LRBA: variants seen among roughly 807,000 people sequenced by gnomAD.
The protein encoded by LRBA is lipopolysaccharide-responsive and beige-like anchor protein.
A neutral mutation model predicts 330.0 loss-of-function variants in LRBA; 176 were observed. That is an observed-to-expected ratio of 0.53 (90% CI 0.47 to 0.60). The LOEUF (loss-of-function observed/expected upper bound fraction) is 0.60. LRBA is among the 20% of genes least tolerant of loss of function. The pLI is 0.00. For synonymous variants in LRBA, 1,230 were observed against 1,193.0 expected (o/e 1.03, Z -0.64); for missense variants, 3,259 against 3,444.8 (o/e 0.95, Z 1.35).
chr4:150,779,456 AAC>A (rs2126581714), intron 34 of LRBA, among the ~76,000 whole-genome samples: 1 of 152,172 alleles, frequency 6.6e-6, no homozygotes, highest in Admixed American at 6.5e-5. Flanking sequence ...AAAACAGGAA[AAC>A]ACATGAAGGT....
intron 47 of LRBA, among the ~76,000 whole-genome samples, chr4:150,401,494 C>G (rs1373035928): frequency 2.6e-5 from 4 of 152,124 alleles, no homozygotes; most frequent in African/African-American, 4.8e-5. Flanking sequence ...TGAGGACTTA[C>G]TATACTTTGT....
At chr4:150,341,281 C>G (rs957592938) in intron 48 of LRBA, among the ~76,000 whole-genome samples, 1 of 152,136 alleles carries the variant, frequency 6.6e-6, no homozygotes, top group African/African-American at 2.4e-5. Flanking sequence ...CATTCCTCAG[C>G]CTCCTGAGAA....
At chr4:150,301,114 C>T (rs1960918) in intron 53 of LRBA, among the ~76,000 whole-genome samples, 83,730 of 151,818 alleles carry the variant, frequency 0.55, 24,095 homozygotes, top group Non-Finnish European at 0.65. Flanking sequence ...ATCTCGGTAA[C>T]TGGATTTACA....
intron 44 of LRBA, among the ~76,000 whole-genome samples, chr4:150,443,007 A>G (rs1752031836): frequency 6.6e-6 from 1 of 152,182 alleles, no homozygotes; most frequent in African/African-American, 2.4e-5. Context: ...CAAAGGTTCT[A>G]CGAGTCTTAC....
chr4:150,295,713 A>C (rs1454307769), intron 53 of LRBA, among the ~76,000 whole-genome samples: 2 of 152,238 alleles, frequency 1.3e-5, no homozygotes, highest in African/African-American at 4.8e-5. Context: ...AGGCATAGGT[A>C]CTTACATATG....
At chr4:150,985,932 T>C (rs1327220655) in intron 2 of LRBA, among the ~76,000 whole-genome samples, 4 of 152,192 alleles carry the variant, frequency 2.6e-5, no homozygotes, top group African/African-American at 4.8e-5. Context: ...CAACATTAAA[T>C]TTTTCCCAGT....
intron 40 of LRBA, among the ~76,000 whole-genome samples, chr4:150,542,367 G>A (rs1765398474): frequency 6.6e-6 from 1 of 152,176 alleles, no homozygotes; most frequent in Non-Finnish European, 1.5e-5. Flanking sequence ...AATTAAATGA[G>A]TTAATGTATA....
intron 41 of LRBA, among the ~76,000 whole-genome samples, chr4:150,489,635 TAA>T (rs1244152720): frequency 5.5e-5 from 6 of 108,748 alleles, no homozygotes; most frequent in African/African-American, 2.1e-4. Context: ...ATATAATATA[TAA>T]GAATATATAA....
At chr4:150,712,297 C>G (rs947694648) in intron 36 of LRBA, among the ~76,000 whole-genome samples, 1 of 152,008 alleles carries the variant, frequency 6.6e-6, no homozygotes, top group East Asian at 1.9e-4. Context: ...TATTAGTATC[C>G]CCATCCTCAA....
At chr4:150,599,385 T>C (rs973397858) in intron 37 of LRBA, among the ~76,000 whole-genome samples, 16 of 152,218 alleles carry the variant, frequency 1.1e-4, no homozygotes, top group Non-Finnish European at 1.9e-4. Flanking sequence ...AAATACATCA[T>C]TTTGAAATGA....
chr4:150,329,892 T>C (rs1733765648), intron 48 of LRBA, among the ~76,000 whole-genome samples: 1 of 152,206 alleles, frequency 6.6e-6, no homozygotes, highest in Non-Finnish European at 1.5e-5. Flanking sequence ...GTTTATCACA[T>C]TCATCACTCC....
intron 38 of LRBA, among the ~76,000 whole-genome samples, chr4:150,594,268 G>A (rs1040630822): frequency 7.9e-5 from 12 of 151,242 alleles, no homozygotes; most frequent in African/African-American, 2.9e-4. Flanking sequence ...CACATGCGCT[G>A]GTGTTCAATT....
chr4:150,849,532 T>A lies in LRBA; in HGVS notation c.4048A>T (p.Asn1350Tyr), dbSNP rs1248765980. 4.3e-6 allele frequency: 7 copies of A among 1,613,104 alleles called. No homozygotes were observed. The highest frequency in any genetic ancestry group is 5.9e-6 in the Non-Finnish European group (7 of 1,179,170). ...TVMDFVNSSD[N>Y]VIFVHNTIHL... ...ATTGTGTTGTGTACAAAGATGACAT[T>A]ATCACTGCTATTCACGAAGTCCATA... The change falls in exon 25 of 57, where the codon AAT (asparagine) becomes TAT (tyrosine). Residue 1350 changes from asparagine (N) to tyrosine (Y), a missense_variant. Physicochemically the swap from Asn to Tyr is moderately radical, Grantham distance 143 (BLOSUM62 -2). Coordinates refer to ENST00000651943, the MANE Select transcript of LRBA (RefSeq NM_001364905.1).
intron 56 of LRBA, among the ~76,000 whole-genome samples, chr4:150,266,696 T>C (rs543543167): frequency 2.6e-5 from 4 of 152,258 alleles, no homozygotes; most frequent in South Asian, 4.2e-4. Context: ...GAAAATTAAA[T>C]AGAAAAGTGG....
rs1431551224 is a variant in LRBA at position 150,517,381 on chromosome 4, C to G, written c.6331-26346G>C. On this transcript the variant is annotated intron_variant, in intron 40 of 56. Coordinates refer to ENST00000651943, the MANE Select transcript of LRBA (RefSeq NM_001364905.1). ...CAAAAAAATACAAAAATTAGCCAGG[C>G]ATGGTGGCATGCAGCCATAGTCCCA... Among the ~76,000 whole-genome samples the G allele has an allele frequency of 3.3e-5, 5 of 152,122 alleles. No individual in the cohort carries two copies. The East Asian group carries it at 9.7e-4, about 29-fold the overall frequency.
chr4:150,488,605 G>C (rs1409833769), intron 41 of LRBA, among the ~76,000 whole-genome samples: 2 of 151,280 alleles, frequency 1.3e-5, no homozygotes, highest in African/African-American at 2.4e-5. Flanking sequence ...GAACATGAAA[G>C]TAAAATCATA....
intron 47 of LRBA, among the ~76,000 whole-genome samples, chr4:150,351,605 C>T (rs1272075383): frequency 3.3e-5 from 5 of 152,138 alleles, no homozygotes; most frequent in African/African-American, 7.2e-5. Context: ...AGGAGAATGG[C>T]ATGAACCCAG....
chr4:151,012,582 G>A (rs906617903), intron 2 of LRBA, among the ~76,000 whole-genome samples: 6 of 152,064 alleles, frequency 3.9e-5, no homozygotes, highest in Non-Finnish European at 5.9e-5. Flanking sequence ...ACACACATGC[G>A]CACACACAAG....
At chr4:150,398,498 G>A (rs1745047467) in intron 47 of LRBA, among the ~76,000 whole-genome samples, 1 of 152,016 alleles carries the variant, frequency 6.6e-6, no homozygotes, top group Non-Finnish European at 1.5e-5. Flanking sequence ...CGATTCATAG[G>A]AAAAATTATT....
Sources: gnomAD v4.1 joint callset for allele counts (sites outside exome capture counted in the v4.1 genomes callset) on GRCh38, gnomAD v4.1.1 for gene constraint, MANE v1.5 for transcripts, NCBI Gene and HGNC (gene_info 2026-07-23, HGNC 2026-07-21) for gene names.